Variants in LSS observed in about 807,000 individuals in gnomAD.
LSS encodes 2,3-epoxysqualene-lanosterol cyclase.
Under a neutral mutation model 110.3 loss-of-function variants are expected in LSS, and 90 were observed. The observed-to-expected ratio is 0.82, with a 90% CI of 0.69 to 0.97. LSS has a LOEUF of 0.97. Ranked by LOEUF, LSS falls within the 50% of genes least tolerant of loss-of-function variation. The pLI, the probability that LSS is intolerant of heterozygous loss-of-function variation, is 0.00. For synonymous variants in LSS, 433 were observed against 400.0 expected (o/e 1.08, Z -0.98); for missense variants, 927 against 990.0 (o/e 0.94, Z 0.85).
Position 46,195,741 on chromosome 21 carries a change from G to A in LSS, c.1752C>T (p.Cys584=), listed in dbSNP as rs1260241176. ...GGCCAAACCAGGTGCCGTAGGTGAA[G>A]CAAACTCCCCAGGAGCTGGAGGGAA... ...DGSWEGSWGV[C]FTYGTWFGLE... is the part of the protein sequence containing the mutation. The change falls in exon 19 of 22, where the codon TGC becomes TGT. Residue 584 remains cysteine, a synonymous_variant. Coordinates refer to ENST00000397728, the MANE Select transcript of LSS (RefSeq NM_002340.6). 10 of 1,613,680 alleles carry A rather than the reference G, an allele frequency of 6.2e-6. No individual in the cohort carries two copies. The highest frequency in any genetic ancestry group is 1.1e-5 in the South Asian group (1 of 91,090).
At chr21:46,194,381 C>G in intron 20 of LSS, 110 bp downstream of exon 20, 1 of 1,332,486 alleles carries the variant, frequency 7.5e-7, no homozygotes, top group Non-Finnish European at 1.0e-6. Flanking sequence ...TGACCTGGCC[C>G]ACAGGCCTCC....
In LSS at chr21:46,190,986, G is replaced by T; in HGVS notation, c.*118C>A. The T allele has an allele frequency of 8.2e-7, 1 of 1,215,782 alleles. No individual in the cohort carries two copies. Among genetic ancestry groups the T allele is most frequent in the South Asian group, 1.4e-5 (1 of 69,000 alleles). The allele number at this position is 1,215,782 out of a possible 1,614,324, so 75.3% of individuals were successfully genotyped here. A position where few individuals can be genotyped will look rare whatever the true frequency, so the allele number is the denominator to read the frequency against. On this transcript the variant is annotated 3_prime_UTR_variant, in exon 22 of 22. Coordinates refer to ENST00000397728, the MANE Select transcript of LSS (RefSeq NM_002340.6). The surrounding 1 kb of genome is among the most constrained non-coding windows in gnomAD (Gnocchi z 4.6). ...GCCTGGCCCCCAGATTCACATCTAT[G>T]AGATAGAGGTTGAGGGGTTGGAGCC...
Position 46,194,558 on chromosome 21 carries a change from A to C in LSS, c.1921T>G (p.Tyr641Asp). 2 of 1,613,770 alleles carry C rather than the reference A, an allele frequency of 1.2e-6. No individual in the cohort carries two copies. Among genetic ancestry groups the C allele is most frequent in the Non-Finnish European group, 1.7e-6 (2 of 1,179,964 alleles). Residue 641 changes from tyrosine to aspartate, a missense_variant, in exon 20 of 22, where the codon TAT (tyrosine) becomes GAT (aspartate). Tyr to Asp is a radical substitution (Grantham distance 160, BLOSUM62 -3). Coordinates refer to ENST00000397728, the MANE Select transcript of LSS (RefSeq NM_002340.6). ...ATCTGGGACTGGGCACTCTGCAAAT[A>C]ACGCCGCTCCTCGCAGGACTCAAAG... ...EDFESCEERRYLQSAQSQIHN... is the reference protein window; with the variant it reads ...EDFESCEERRDLQSAQSQIHN...
chr21:46,197,088 A>G (rs1362405746), intron 17 of LSS, among the ~76,000 whole-genome samples: 2 of 152,260 alleles, frequency 1.3e-5, no homozygotes, highest in Non-Finnish European at 2.9e-5. Context: ...GACACACAGA[A>G]ACGGTGAAGT....
intron 21 of LSS, 50 bp downstream of exon 21, chr21:46,191,831 C>A: frequency 6.7e-7 from 1 of 1,499,422 alleles, no homozygotes; most frequent in East Asian, 2.3e-5. Context: ...CAGCCATGCA[C>A]GCTGGAGGTC....
chr21:46,201,508 G>C (rs369532049), intron 17 of LSS, among the ~76,000 whole-genome samples: 21 of 99,996 alleles, frequency 2.1e-4, no homozygotes, highest in South Asian at 9.2e-4. Flanking sequence ...ATGAAGCCCT[G>C]AGGGTAGAGC....
At position 46,191,894 on chromosome 21, in the gene LSS, C is replaced by G; in HGVS notation, c.2054G>C (p.Gly685Ala). The change falls in exon 21 of 22, where the codon GGC becomes GCC. Residue 685 changes from glycine (G) to alanine (A), a missense_variant. Gly to Ala is a moderately conservative substitution (Grantham distance 60, BLOSUM62 0). Transcript: ENST00000397728. Reference sequence around the variant, plus strand: ...CTGGCGGCATACCTGCGGCCAGTCGCCATTGGGGAGCTGTTTCTCAAGTAG... The same window carrying G: ...CTGGCGGCATACCTGCGGCCAGTCGGCATTGGGGAGCTGTTTCTCAAGTAG... Reference protein sequence around the residue: ...RCLLEKQLPNGDWPQENIAGV... With the variant: ...RCLLEKQLPNADWPQENIAGV... 6.2e-7 allele frequency: 1 copy of G among 1,613,396 alleles called. No homozygotes were observed. The highest frequency in any genetic ancestry group is 1.1e-5 in the South Asian group (1 of 90,822).
chr21:46,215,735 G>T lies in LSS; in HGVS notation c.842C>A (p.Ala281Asp), dbSNP rs1280891794. The change falls in exon 8 of 22, where the codon GCC becomes GAC. Residue 281 changes from alanine (A) to aspartate (D), a missense_variant. By Grantham distance (126) the Ala-to-Asp change is moderately radical (BLOSUM62 -2). Transcript: ENST00000397728. ...GTGCGGCGTGTACAGCTCGTCGGGG[G>T]CCACGTTGTTCCTCTGCGCCAGCCA... Reference protein sequence around the residue: ...IDWLAQRNNVAPDELYTPHSW... With the variant: ...IDWLAQRNNVDPDELYTPHSW... 6.2e-7 allele frequency: 1 copy of T among 1,612,802 alleles called. No homozygotes were observed.
chr21:46,196,069 G>T, intron 18 of LSS, 133 bp downstream of exon 18: 1 of 893,002 alleles, frequency 1.1e-6, no homozygotes. Context: ...CAGAAGTCAC[G>T]GGCTGGCAGC....
At chr21:46,206,049 C>G (rs1047258266) in intron 16 of LSS, 108 bp from the exon 17 acceptor site, 18 of 801,328 alleles carry the variant, frequency 2.2e-5, no homozygotes, top group Non-Finnish European at 3.3e-5. Context: ...AGCCCGGGCC[C>G]GGACGCTGCC....
rs752875737 is a variant in LSS at position 46,213,102 on chromosome 21, C to A, written c.1110-50G>T. ...CAGGTGCAAGGAGAAAGCTGGAAGC[C>A]CAGCTGCTACCCAGACCCTGCACTC... On this transcript the variant is annotated intron_variant, in intron 10 of 21. Coordinates refer to ENST00000397728, the MANE Select transcript of LSS (RefSeq NM_002340.6). The A allele has an allele frequency of 2.5e-6, 4 of 1,578,122 alleles. No homozygotes were observed. The Admixed American group carries it at 6.8e-5, about 27-fold the overall frequency.
In LSS at chr21:46,213,005, C is replaced by G. The variant is rs180693025; in HGVS notation, c.1137+20G>C. The G allele has an allele frequency of 4.3e-6, 7 of 1,613,892 alleles. No individual in the cohort carries two copies. The highest frequency in any genetic ancestry group is 5.9e-6 in the Non-Finnish European group (7 of 1,179,914). ...CATGATTGCAAAGGAAGCATGCAGC[C>G]GCAGTCCCGCAGCCCTTACCTGCAT... On this transcript the variant is annotated intron_variant, in intron 11 of 21. Coordinates refer to ENST00000397728, the MANE Select transcript of LSS (RefSeq NM_002340.6).
At chr21:46,204,271 A>G (rs1043979457) in intron 17 of LSS, among the ~76,000 whole-genome samples, 16 of 152,218 alleles carry the variant, frequency 1.1e-4, no homozygotes, top group African/African-American at 3.9e-4. Context: ...CCCCAACCTC[A>G]GCAACAGAGC....
intron 11 of LSS, among the ~76,000 whole-genome samples, chr21:46,211,356 C>T (rs1163078943): frequency 6.6e-6 from 1 of 152,170 alleles, no homozygotes; most frequent in Admixed American, 6.5e-5. Context: ...GTCTCTATCT[C>T]CTGACCTTGT....
chr21:46,194,278 T>A (rs2079874807), intron 20 of LSS, among the ~76,000 whole-genome samples: 1 of 152,210 alleles, frequency 6.6e-6, no homozygotes, highest in African/African-American at 2.4e-5. Context: ...GGCGAGCCTC[T>A]CTGCAGGGCC....
chr21:46,221,909 AC>A lies in LSS; in HGVS notation c.494del (p.Gly165ValfsTer36), dbSNP rs2080284670. 5.6e-6 allele frequency: 9 copies of A among 1,614,152 alleles called. No individual in the cohort carries two copies. The highest frequency in any genetic ancestry group is 1.3e-5 in the African/African-American group (1 of 75,040). On this transcript the variant is annotated frameshift_variant, in exon 5 of 22. Transcript: ENST00000397728. LOFTEE classifies it high-confidence loss of function. ...ALNYVSLRIL[G>X]VGPDDPDLVR... ...CCAGGTCAGGATCGTCAGGCCCAAC[AC>A]CCAGAATTCTGAGAGACACATAGTT... is the stretch of plus-strand genomic sequence containing the variant.
intron 19 of LSS, among the ~76,000 whole-genome samples, chr21:46,195,470 G>C (rs370033055): frequency 1.3e-4 from 20 of 152,236 alleles, no homozygotes; most frequent in African/African-American, 4.6e-4. Flanking sequence ...AGCTACTCGG[G>C]AGGATCGCTT....
At position 46,219,591 on chromosome 21, in the gene LSS, G is replaced by A. The variant is rs755612078; in HGVS notation, c.551-19C>T. On this transcript the variant is annotated intron_variant, in intron 5 of 21. Transcript: ENST00000397728. ...GCACCACCTGAGCGGGGAGAGAATA[G>A]GCCCACGTCATCTGCTTCCTGTCAG... is the stretch of plus-strand genomic sequence containing the variant. 2.8e-5 allele frequency: 41 copies of A among 1,488,936 alleles called. No homozygotes were observed. The East Asian group carries it at 9.9e-4, about 36-fold the overall frequency. 92.2% of individuals were successfully genotyped at this position (1,488,936 alleles called of 1,614,324 possible).
intron 17 of LSS, 140 bp from the exon 18 acceptor site, chr21:46,196,407 G>C: frequency 1.5e-6 from 1 of 685,880 alleles, no homozygotes; most frequent in Non-Finnish European, 2.5e-6. Context: ...TACACAGACC[G>C]ATGAGGGTTT....
Sources: allele counts gnomAD v4.1 joint callset (sites outside exome capture counted in the v4.1 genomes callset), GRCh38; gene constraint gnomAD v4.1.1; non-coding constraint Gnocchi (gnomAD v3.1); transcripts MANE v1.5; gene names NCBI Gene and HGNC (gene_info 2026-07-23, HGNC 2026-07-21).